MON2: variants seen among roughly 807,000 people sequenced by gnomAD.
MON2 encodes the protein protein MON2 homolog.
MON2 carries 84 observed loss-of-function variants against 208.6 expected under a neutral mutation model. That is an observed-to-expected ratio of 0.40 (90% CI 0.34 to 0.48). The LOEUF (loss-of-function observed/expected upper bound fraction) is 0.48. Among genes scored for constraint, MON2 ranks in the 20% least tolerant of loss-of-function variants. The pLI is 0.59. For missense variants in MON2, 1,611 were observed against 2,015.4 expected (o/e 0.80, Z 3.84); for synonymous variants, 660 against 694.0 (o/e 0.95, Z 0.77).
chr12:62,470,825 C>T, intron 1 of MON2: 1 of 804,858 alleles, frequency 1.2e-6, no homozygotes, highest in Non-Finnish European at 1.5e-6. Context: ...ATGATTGGAG[C>T]CATTAGAGCT....
chr12:62,585,128 A>C (rs991444068), intron 32 of MON2, among the ~76,000 whole-genome samples, 166 bp from the exon 33 acceptor site: 2 of 148,392 alleles, frequency 1.3e-5, no homozygotes, highest in East Asian at 3.9e-4. Flanking sequence ...AAAAAAACAA[A>C]AAAAAAACAC....
Position 62,543,100 on chromosome 12 carries a change from C to T in MON2, c.2368C>T (p.Pro790Ser). 2 of 1,537,308 alleles carry T rather than the reference C, an allele frequency of 1.3e-6. No homozygotes were observed. Among genetic ancestry groups the T allele is most frequent in the Non-Finnish European group, 1.8e-6 (2 of 1,134,714 alleles). ...ATACAATGTATTTTCTCCCTAGGAACCATCTCTTTTTGCTGTTGCCAAATT... is the reference window on the plus strand; with the variant it reads ...ATACAATGTATTTTCTCCCTAGGAATCATCTCTTTTTGCTGTTGCCAAATT... The part of the protein sequence containing the change: ...MDMAYGNNKE[P>S]SLFAVAKLLE... Residue 790 changes from proline to serine, a missense_variant, in exon 20 of 35, where the codon CCA (proline) becomes TCA (serine). Coordinates refer to ENST00000393630, the MANE Select transcript of MON2 (RefSeq NM_015026.3).
At chr12:62,544,110 CT>C (rs2073370174) in intron 20 of MON2, among the ~76,000 whole-genome samples, 1 of 152,072 alleles carries the variant, frequency 6.6e-6, no homozygotes, top group African/African-American at 2.4e-5. Context: ...TACCATAGTT[CT>C]TTTGTGTTAT....
intron 8 of MON2, among the ~76,000 whole-genome samples, chr12:62,521,679 A>G (rs1303521731): frequency 6.6e-6 from 1 of 152,182 alleles, no homozygotes; most frequent in South Asian, 2.1e-4. Flanking sequence ...ACTAGAGGAA[A>G]TTAGAATTTC....
At chr12:62,550,596 C>A (rs1205557060) in intron 23 of MON2, among the ~76,000 whole-genome samples, 7 of 152,218 alleles carry the variant, frequency 4.6e-5, no homozygotes, top group Admixed American at 4.6e-4. Context: ...TAGCCACCTT[C>A]ATCGGTGATC....
chr12:62,544,776 A>G, intron 20 of MON2, 122 bp from the exon 21 acceptor site: 2 of 1,539,800 alleles, frequency 1.3e-6, no homozygotes, highest in African/African-American at 1.4e-5. Flanking sequence ...AAGGTAAGCT[A>G]ACTTACATTT....
At chr12:62,512,620 G>C (rs1250025575) in intron 8 of MON2, among the ~76,000 whole-genome samples, 2 of 152,158 alleles carry the variant, frequency 1.3e-5, no homozygotes, top group Non-Finnish European at 2.9e-5. Context: ...GAGTGTCTGT[G>C]GGTCTTCCAG....
At chr12:62,474,042 T>C (rs1290484424) in intron 1 of MON2, among the ~76,000 whole-genome samples, 2 of 144,328 alleles carry the variant, frequency 1.4e-5, no homozygotes, top group East Asian at 4.1e-4. Flanking sequence ...TAGATCTGCA[T>C]TTCCAGCTGC....
At chr12:62,503,735 A>T (rs1369556835) in intron 7 of MON2, among the ~76,000 whole-genome samples, 1 of 152,136 alleles carries the variant, frequency 6.6e-6, no homozygotes, top group Non-Finnish European at 1.5e-5. Flanking sequence ...TGCCTCAAGC[A>T]GACTCGTGCC....
At chr12:62,541,620 A>G (rs1349782354) in intron 19 of MON2, among the ~76,000 whole-genome samples, 1 of 152,210 alleles carries the variant, frequency 6.6e-6, no homozygotes, top group East Asian at 1.9e-4. Context: ...GCCTGAGGTT[A>G]TGTACTTACT....
At chr12:62,579,851 A>G (rs1340627371) in intron 31 of MON2, among the ~76,000 whole-genome samples, 1 of 152,200 alleles carries the variant, frequency 6.6e-6, no homozygotes, top group Non-Finnish European at 1.5e-5. Context: ...AAAATAACAT[A>G]CTACATGTTA....
rs546268937 is a variant in MON2 at position 62,501,820 on chromosome 12, T to C, written c.789+122T>C. 1.6e-4 allele frequency: 166 copies of C among 1,055,368 alleles called. 1 individual carries two copies. The highest frequency in any genetic ancestry group is 9.1e-4 in the Middle Eastern group (3 of 3,284). 65.4% of individuals were successfully genotyped at this position (1,055,368 alleles called of 1,614,324 possible). On this transcript the variant is annotated intron_variant, in intron 7 of 34. Coordinates refer to ENST00000393630, the MANE Select transcript of MON2 (RefSeq NM_015026.3). ...TGGCAAAGAGGCCAGAGTTGGTGGT[T>C]CATGCCTGTAATTGCAACACTTTGG...
chr12:62,525,504 A>C (rs17662384), intron 10 of MON2, among the ~76,000 whole-genome samples: 2,306 of 152,098 alleles, frequency 0.015, 16 homozygotes, highest in Non-Finnish European at 0.025. Flanking sequence ...TTATTTGATG[A>C]CTCCCTTTGA....
intron 10 of MON2, 124 bp downstream of exon 10, chr12:62,525,344 T>A (rs7307374): frequency 1.1e-6 from 1 of 887,442 alleles, no homozygotes; most frequent in Non-Finnish European, 1.7e-6. Context: ...ATGTTGGTAG[T>A]AAAGAATTGC....
intron 11 of MON2, among the ~76,000 whole-genome samples, chr12:62,527,240 CTG>C (rs1392588216): frequency 5.3e-5 from 8 of 152,112 alleles, no homozygotes; most frequent in Admixed American, 4.6e-4. Context: ...GCCTGGGTAA[CTG>C]TGAAACCCCA....
chr12:62,513,528 G>A (rs946716035), intron 8 of MON2, among the ~76,000 whole-genome samples: 1 of 152,018 alleles, frequency 6.6e-6, no homozygotes, highest in Admixed American at 6.5e-5. Context: ...GCCCGGCCTG[G>A]GATTTTCTTT....
Position 62,508,498 on chromosome 12 carries a change from T to C in MON2, c.984+18T>C, listed in dbSNP as rs760494195. The C allele has an allele frequency of 2.6e-5, 41 of 1,605,616 alleles. No homozygotes were observed. The highest frequency in any genetic ancestry group is 7.7e-5 in the South Asian group (7 of 90,898). On this transcript the variant is annotated intron_variant, in intron 8 of 34. Coordinates refer to ENST00000393630, the MANE Select transcript of MON2 (RefSeq NM_015026.3). ...GTCTTTTGGTAAGTGCTAATTTCCT[T>C]ATGTATTTGTGTATATAGTTGCATG... is the stretch of plus-strand genomic sequence containing the variant.
Position 62,498,932 on chromosome 12 carries a change from G to A in MON2, c.449G>A (p.Cys150Tyr). 3 of 1,600,404 alleles carry A rather than the reference G, an allele frequency of 1.9e-6. No individual in the cohort carries two copies. Among genetic ancestry groups the A allele is most frequent in the Non-Finnish European group, 2.6e-6 (3 of 1,174,612 alleles). ...TTGTGTTTTCAGGCAATCGTTCTTT[G>A]TTTTCGACTACACTTCACAAAAGAT... ...DEALSKAIVL[C>Y]FRLHFTKDNI... The change falls in exon 5 of 35, where the codon TGT (cysteine) becomes TAT (tyrosine). Residue 150 changes from cysteine (C) to tyrosine (Y), a missense_variant. Physicochemically the swap from Cys to Tyr is radical, Grantham distance 194. Transcript: ENST00000393630.
chr12:62,484,480 G>C (rs1241499871), intron 2 of MON2, among the ~76,000 whole-genome samples: 1 of 152,166 alleles, frequency 6.6e-6, no homozygotes, highest in Admixed American at 6.5e-5. Context: ...TTAAAGGCAA[G>C]GAATTTTTTC....
Sources: gnomAD v4.1 joint callset for allele counts (sites outside exome capture counted in the v4.1 genomes callset) on GRCh38, gnomAD v4.1.1 for gene constraint, MANE v1.5 for transcripts, NCBI Gene and HGNC (gene_info 2026-07-23, HGNC 2026-07-21) for gene names.